The following RGS6 variants were observed in gnomAD, a reference collection of about 807,000 sequenced individuals.
RGS6 encodes the protein regulator of G protein signaling 6.
Under a neutral mutation model 78.5 loss-of-function variants are expected in RGS6, and 30 were observed. That is an observed-to-expected ratio of 0.38 (90% confidence interval 0.29 to 0.52). The LOEUF is 0.52. Among genes scored for constraint, RGS6 ranks in the 20% least tolerant of loss-of-function variants. The pLI is 0.85. For missense variants in RGS6, 495 were observed against 609.7 expected (o/e 0.81, Z 1.98); for synonymous variants, 206 against 206.0 (o/e 1.00, Z 0.00).
chr14:72,171,105 T>C (rs1316447783), intron 2 of RGS6, among the ~76,000 whole-genome samples: 1 of 152,176 alleles, frequency 6.6e-6, no homozygotes, highest in Non-Finnish European at 1.5e-5. Context: ...TACCCTTTTC[T>C]TTAATTACAC....
At chr14:72,390,359 A>G (rs1430679447) in intron 3 of RGS6, among the ~76,000 whole-genome samples, 1 of 151,868 alleles carries the variant, frequency 6.6e-6, no homozygotes, top group Non-Finnish European at 1.5e-5. Flanking sequence ...CGGCCTCCCA[A>G]AGTGCTGGGA....
intron 2 of RGS6, among the ~76,000 whole-genome samples, chr14:72,332,057 ACT>A (rs2075162573): frequency 6.6e-6 from 1 of 151,920 alleles, no homozygotes; most frequent in African/African-American, 2.4e-5. Flanking sequence ...AACCGAAGGG[ACT>A]CTTGGCTCAG....
At chr14:72,001,600 A>G (rs189401255) in intron 2 of RGS6, among the ~76,000 whole-genome samples, 2 of 152,282 alleles carry the variant, frequency 1.3e-5, no homozygotes, top group African/African-American at 4.8e-5. Context: ...TGATGTTATC[A>G]GTCCAAATTA....
intron 2 of RGS6, among the ~76,000 whole-genome samples, chr14:72,298,137 T>C (rs1047653898): frequency 6.6e-6 from 1 of 152,118 alleles, no homozygotes; most frequent in Admixed American, 6.5e-5. Context: ...TACTAGAGTA[T>C]TATAGTGAGG....
chr14:71,987,932 ATGAG>A, intron 2 of RGS6, among the ~76,000 whole-genome samples: 1 of 46,960 alleles, frequency 2.1e-5, no homozygotes, highest in East Asian at 9.0e-4. Context: ...TTTTCAAACA[ATGAG>A]AGAAAGTGCT....
intron 1 of RGS6, among the ~76,000 whole-genome samples, chr14:71,938,861 A>G (rs919144771): frequency 2.0e-5 from 3 of 152,148 alleles, no homozygotes; most frequent in African/African-American, 7.2e-5. Flanking sequence ...TCTCAAAAGG[A>G]GAGTAGTTAC....
chr14:72,580,619 G>A, the RGS6 span, among the ~76,000 whole-genome samples: 1 of 152,240 alleles, frequency 6.6e-6, no homozygotes. Context: ...AAGAATGTTT[G>A]AAGGTTATTA....
At chr14:72,023,994 G>A (rs544782466) in intron 2 of RGS6, among the ~76,000 whole-genome samples, 17 of 152,326 alleles carry the variant, frequency 1.1e-4, no homozygotes, top group African/African-American at 3.1e-4. Flanking sequence ...AGAAGTGCTC[G>A]CGACAATGAG....
intron 10 of RGS6, among the ~76,000 whole-genome samples, chr14:72,476,514 A>C (rs2096246933): frequency 6.6e-6 from 1 of 152,212 alleles, no homozygotes; most frequent in Non-Finnish European, 1.5e-5. Flanking sequence ...CAAGGAGGCT[A>C]TTTTCAGCCC....
At chr14:72,290,536 T>C (rs940247320) in intron 2 of RGS6, among the ~76,000 whole-genome samples, 5 of 152,224 alleles carry the variant, frequency 3.3e-5, no homozygotes, top group East Asian at 1.9e-4. Flanking sequence ...AACCCCTTTA[T>C]TGAGTCTCGG....
At chr14:72,039,278 G>A (rs768600109) in intron 2 of RGS6, among the ~76,000 whole-genome samples, 2 of 152,144 alleles carry the variant, frequency 1.3e-5, no homozygotes, top group African/African-American at 2.4e-5. Flanking sequence ...TCCTTGTCCT[G>A]TACCCGCAAA....
intron 3 of RGS6, among the ~76,000 whole-genome samples, chr14:72,361,005 G>A (rs541056645): frequency 2.0e-5 from 3 of 151,816 alleles, no homozygotes; most frequent in Admixed American, 2.0e-4. Flanking sequence ...TTTAAGACAT[G>A]CGTGCTTCCC....
intron 2 of RGS6, among the ~76,000 whole-genome samples, chr14:72,255,367 A>G (rs1035727326): frequency 2.0e-5 from 3 of 152,172 alleles, no homozygotes; most frequent in African/African-American, 4.8e-5. Flanking sequence ...GCCTCTAGCT[A>G]GGGCCTCAAA....
the RGS6 span, among the ~76,000 whole-genome samples, chr14:72,604,047 C>G: frequency 1.3e-5 from 2 of 152,126 alleles, no homozygotes; most frequent in Non-Finnish European, 2.9e-5. Flanking sequence ...GATCCAAGCC[C>G]ACACATCAAA....
chr14:71,944,780 G>A (rs769534864), intron 1 of RGS6, among the ~76,000 whole-genome samples: 3 of 152,112 alleles, frequency 2.0e-5, no homozygotes, highest in Non-Finnish European at 4.4e-5. Flanking sequence ...GATACATTTG[G>A]AGAAATGTAT....
chr14:71,899,947 T>C, the RGS6 span, among the ~76,000 whole-genome samples: 64 of 152,372 alleles, frequency 4.2e-4, no homozygotes, highest in African/African-American at 1.5e-3. Flanking sequence ...CAGTCTCCTC[T>C]CTTATATCTC....
chr14:71,919,710 TA>T, the RGS6 span, among the ~76,000 whole-genome samples: 2 of 152,252 alleles, frequency 1.3e-5, no homozygotes, highest in South Asian at 4.2e-4. Flanking sequence ...AATAATTTTT[TA>T]AGCTGGGCGC....
chr14:72,417,057 G>A (rs1279042302), intron 3 of RGS6, among the ~76,000 whole-genome samples: 1 of 152,146 alleles, frequency 6.6e-6, no homozygotes, highest in African/African-American at 2.4e-5. Flanking sequence ...CCACAGGCAG[G>A]TCAGTGGAAC....
At chr14:72,008,630 C>T (rs530941840) in intron 2 of RGS6, among the ~76,000 whole-genome samples, 5 of 152,220 alleles carry the variant, frequency 3.3e-5, no homozygotes, top group South Asian at 2.1e-4. Flanking sequence ...GCTCTAATCC[C>T]GTGCTTTCCT....
Sources: allele counts gnomAD v4.1 joint callset (sites outside exome capture counted in the v4.1 genomes callset), GRCh38; gene constraint gnomAD v4.1.1; transcripts MANE v1.5; gene names NCBI Gene and HGNC (gene_info 2026-07-23, HGNC 2026-07-21).